CEACAM20: variants seen among roughly 807,000 people sequenced by gnomAD.
CEACAM20 encodes CEA cell adhesion molecule 20.
Under a neutral mutation model 61.2 loss-of-function variants are expected in CEACAM20, and 50 were observed. That is an observed-to-expected ratio of 0.82 (90% CI 0.65 to 1.03). The LOEUF (loss-of-function observed/expected upper bound fraction) is 1.03. CEACAM20 is among the 50% of genes least tolerant of loss of function. The pLI, the probability that CEACAM20 is intolerant of heterozygous loss-of-function variation, is 0.00. For missense variants in CEACAM20, 683 were observed against 736.4 expected, an observed-to-expected ratio of 0.93 and a Z score of 0.84; for synonymous variants, 282 against 287.7, an observed-to-expected ratio of 0.98 and a Z score of 0.20.
chr19:44,517,161 G>T lies in CEACAM20; in HGVS notation c.1094C>A (p.Ala365Glu), dbSNP rs747628709. The T allele has an allele frequency of 1.9e-6, 3 of 1,613,024 alleles. No individual in the cohort carries two copies. The highest frequency in any genetic ancestry group is 2.2e-5 in the East Asian group (1 of 44,892). Reference protein sequence around the residue: ...SASEMISTIEAELNSSLTLQC... With the variant: ...SASEMISTIEEELNSSLTLQC... ...CAGGGTCAGGCTGGAGTTGAGCTCT[G>T]CCTCTATGGTGCTGATCATCTCAGA... The change falls in exon 6 of 12, where the codon GCA (alanine) becomes GAA (glutamate). Residue 365 changes from alanine (A) to glutamate (E), a missense_variant. Ala to Glu is a moderately radical substitution (Grantham distance 107). Coordinates refer to ENST00000614924, the MANE Select transcript of CEACAM20 (RefSeq NM_001102597.3).
chr19:44,523,931 G>T, intron 3 of CEACAM20, 55 bp downstream of exon 3: 1 of 1,499,354 alleles, frequency 6.7e-7, no homozygotes, highest in Non-Finnish European at 9.0e-7. Flanking sequence ...GACTGAACGA[G>T]GCACTAAGCA....
chr19:44,528,948 CTTTCTTTCTTT>C (rs1264770885), intron 1 of CEACAM20, among the ~76,000 whole-genome samples: 24 of 121,914 alleles, frequency 2.0e-4, no homozygotes, highest in African/African-American at 7.5e-4. Flanking sequence ...GTATTTCTCT[CTTTCTTTCTTT>C]TTTTTTTTTT....
At chr19:44,520,894 T>A in intron 4 of CEACAM20, 142 bp from the exon 5 acceptor site, 2 of 814,936 alleles carry the variant, frequency 2.5e-6, no homozygotes, top group Non-Finnish European at 3.9e-6. Context: ...ATGATTTGCA[T>A]AATGCTGGTG....
chr19:44,513,030 C>A, intron 7 of CEACAM20, 77 bp from the exon 8 acceptor site: 1 of 1,375,156 alleles, frequency 7.3e-7, no homozygotes, highest in Non-Finnish European at 1.0e-6. Flanking sequence ...TATCCCATGT[C>A]CATTCTTGAA....
At chr19:44,509,356 G>A (rs1327370289) in intron 11 of CEACAM20, among the ~76,000 whole-genome samples, 5 of 118,324 alleles carry the variant, frequency 4.2e-5, no homozygotes, top group African/African-American at 1.2e-4. Context: ...ATAAAGCAAC[G>A]AAATTAAAAA....
intron 3 of CEACAM20, 150 bp downstream of exon 3, chr19:44,523,836 G>T: frequency 1.2e-6 from 1 of 866,526 alleles, no homozygotes; most frequent in East Asian, 2.7e-5. Context: ...GTTTCCAGTA[G>T]AATCCAAGTA....
At chr19:44,521,223 G>C (rs556652225) in intron 4 of CEACAM20, among the ~76,000 whole-genome samples, 5 of 152,236 alleles carry the variant, frequency 3.3e-5, no homozygotes, top group South Asian at 4.1e-4. Flanking sequence ...TGTGCATTTT[G>C]TGTGTGCATT....
chr19:44,522,525 C>G, intron 4 of CEACAM20, 109 bp downstream of exon 4: 4 of 1,198,158 alleles, frequency 3.3e-6, no homozygotes, highest in Non-Finnish European at 4.6e-6. Flanking sequence ...GGATTTCTCC[C>G]TCACACAGTA....
chr19:44,524,883 C>A (rs1167727650), intron 2 of CEACAM20, among the ~76,000 whole-genome samples: 2 of 151,770 alleles, frequency 1.3e-5, no homozygotes, highest in Non-Finnish European at 2.9e-5. Flanking sequence ...ACCCAGCCCC[C>A]CTACCCACTT....
At chr19:44,519,319 A>G (rs894405458) in intron 5 of CEACAM20, among the ~76,000 whole-genome samples, 23 of 152,322 alleles carry the variant, frequency 1.5e-4, no homozygotes, top group African/African-American at 5.5e-4. Flanking sequence ...CATGTCAAGT[A>G]TCAAATGCCC....
chr19:44,511,071 A>C lies in CEACAM20; in HGVS notation c.1696T>G (p.Leu566Val). The C allele has an allele frequency of 1.2e-6, 2 of 1,613,952 alleles. No homozygotes were observed. Among genetic ancestry groups the C allele is most frequent in the Non-Finnish European group, 1.7e-6 (2 of 1,179,856 alleles). The change falls in exon 11 of 12, where the codon TTG becomes GTG. Residue 566 changes from leucine (L) to valine (V), a missense_variant. By Grantham distance (32) the Leu-to-Val change is conservative. Coordinates refer to ENST00000614924, the MANE Select transcript of CEACAM20 (RefSeq NM_001102597.3). ...PPKPLMPPLR[L>V]VSTVPKNMES... Reference sequence around the variant, plus strand: ...ATGTTTTTTGGCACAGTGGAGACCAATCTGAGTGGGGGCATCAGAGGTTTG... The same window carrying C: ...ATGTTTTTTGGCACAGTGGAGACCACTCTGAGTGGGGGCATCAGAGGTTTG...
rs1406667284 is a variant in CEACAM20, at chr19:44,520,841, CGTGCGT to C, written c.752-95_752-90del. 2.0e-5 allele frequency: 24 copies of C among 1,227,690 alleles called. No individual in the cohort carries two copies. In the Admixed American group the frequency reaches 2.2e-4, roughly 11 times the overall value. The allele number at this position is 1,227,690 out of a possible 1,614,324, so 76.0% of individuals were successfully genotyped here. ...GGGCCCACAAGTTTTTCCAGGAGTG[CGTGCGT>C]GTGTGTGTGTGTGTGTGTGTGTTAC... On this transcript the variant is annotated intron_variant, in intron 4 of 11. Coordinates refer to ENST00000614924, the MANE Select transcript of CEACAM20 (RefSeq NM_001102597.3).
chr19:44,511,843 G>T (rs1971010312), intron 9 of CEACAM20, among the ~76,000 whole-genome samples, 171 bp from the exon 10 acceptor site: 1 of 152,156 alleles, frequency 6.6e-6, no homozygotes. Context: ...GAGAAGAGAT[G>T]AAAAAACCCG....
At chr19:44,517,834 C>T (rs1306532330) in intron 5 of CEACAM20, among the ~76,000 whole-genome samples, 1 of 151,824 alleles carries the variant, frequency 6.6e-6, no homozygotes. Context: ...TCTGGGAAGC[C>T]GAGGTAGGTG....
chr19:44,524,291 A>G, intron 2 of CEACAM20, 30 bp from the exon 3 acceptor site: 1 of 1,592,686 alleles, frequency 6.3e-7, no homozygotes, highest in East Asian at 2.2e-5. Context: ...ACAGAGGCAG[A>G]GACACAGGTA....
intron 1 of CEACAM20, among the ~76,000 whole-genome samples, chr19:44,528,830 T>TAC (rs150033401): frequency 0.042 from 6,256 of 150,224 alleles, 434 homozygotes; most frequent in African/African-American, 0.14. Context: ...TCCTCAAGTA[T>TAC]ACACACACAC....
chr19:44,516,996 T>C lies in CEACAM20; in HGVS notation c.1259A>G (p.Asn420Ser). The C allele has an allele frequency of 6.3e-7, 1 of 1,597,488 alleles. No individual in the cohort carries two copies. Among genetic ancestry groups the C allele is most frequent in the Non-Finnish European group, 8.5e-7 (1 of 1,172,504 alleles). Residue 420 changes from asparagine to serine, a missense_variant, in exon 6 of 12, where the codon AAC becomes AGC. Coordinates refer to ENST00000614924, the MANE Select transcript of CEACAM20 (RefSeq NM_001102597.3). ...HDGIYNCTASNSLTGLARSTS... is the reference protein window; with the variant it reads ...HDGIYNCTASSSLTGLARSTS... ...GGAGCGGGCCAGGCCAGTGAGAGAG[T>C]TGGAGGCTGTGCAGTTGTAGATCCC...
intron 11 of CEACAM20, among the ~76,000 whole-genome samples, chr19:44,510,776 G>T (rs2123557119): frequency 6.6e-6 from 1 of 152,176 alleles, no homozygotes; most frequent in Non-Finnish European, 1.5e-5. Context: ...TACAGAAAAT[G>T]AATAAAGCTA....
At chr19:44,514,013 T>C (rs749202871) in intron 6 of CEACAM20, among the ~76,000 whole-genome samples, 5 of 152,166 alleles carry the variant, frequency 3.3e-5, no homozygotes, top group Non-Finnish European at 5.9e-5. Flanking sequence ...ATGGATCAAA[T>C]ATGGCTTTGT....
Sources: allele counts gnomAD v4.1 joint callset (sites outside exome capture counted in the v4.1 genomes callset), GRCh38; gene constraint gnomAD v4.1.1; transcripts MANE v1.5; gene names NCBI Gene and HGNC (gene_info 2026-07-23, HGNC 2026-07-21).